Variants in STRN observed in about 807,000 individuals in gnomAD.
STRN encodes the protein striatin, also known as protein phosphatase 2 regulatory subunit B'''alpha.
STRN carries 53 observed loss-of-function variants against 96.3 expected under a neutral mutation model. That is an observed-to-expected ratio of 0.55 (90% CI 0.44 to 0.69). STRN has a LOEUF of 0.69. Among genes scored for constraint, STRN ranks in the 30% least tolerant of loss-of-function variants. The pLI, the probability that STRN is intolerant of heterozygous loss-of-function variation, is 0.00. For missense variants in STRN, 987 were observed against 963.9 expected (o/e 1.02, Z -0.32); for synonymous variants, 428 against 355.9 (o/e 1.20, Z -2.28).
chr2:36,890,168 G>C (rs188618323), intron 7 of STRN, among the ~76,000 whole-genome samples: 58 of 152,276 alleles, frequency 3.8e-4, no homozygotes, highest in Non-Finnish European at 6.6e-4. Flanking sequence ...TGAGTAACTT[G>C]ATACACAAGC....
intron 4 of STRN, 151 bp downstream of exon 4, chr2:36,905,389 T>C (rs1245726601): frequency 4.5e-6 from 3 of 667,876 alleles, no homozygotes; most frequent in South Asian, 4.1e-5. Flanking sequence ...AAGTATTTAA[T>C]ATGAAAAAGG....
At position 36,849,727 on chromosome 2, in the gene STRN, G is replaced by A. The variant is rs368315983; in HGVS notation, c.2160C>T (p.Tyr720=). The A allele has an allele frequency of 6.2e-7, 1 of 1,613,966 alleles. No homozygotes were observed. The highest frequency in any genetic ancestry group is 1.3e-5 in the African/African-American group (1 of 74,922). Residue 720 remains tyrosine, a synonymous_variant, in exon 17 of 18, where the codon TAC becomes TAT. Transcript: ENST00000263918. ...TGAGGTACTTACTGCCAGACATCAA[G>A]TAAAGGCCATTGGGATCAACTGCTA... The part of the protein sequence containing the change: ...TSLAVDPNGL[Y]LMSGSHDCSI...
chr2:36,900,164 G>C lies in STRN; in HGVS notation c.660-506C>G, dbSNP rs556318413. Among the ~76,000 whole-genome samples, 31 of 152,168 alleles carry C rather than the reference G, an allele frequency of 2.0e-4. No homozygotes were observed. In the South Asian group the frequency reaches 6.4e-3, roughly 32 times the overall value. ...TCAGCCTCAGCCTCCCAAAGTGCTG[G>C]GATTATAGGCGTGAGCCACTCGTAT... On this transcript the variant is annotated intron_variant, in intron 5 of 17. Transcript: ENST00000263918.
In STRN at chr2:36,846,711, T is replaced by A. The variant is rs373080221; in HGVS notation, c.*2745A>T. ...GTTTAATGGCAAAAGTTGTTAAACT[T>A]GTTCAATAGAAAAATACTGAAGGTC... On this transcript the variant is annotated 3_prime_UTR_variant, in exon 18 of 18. Transcript: ENST00000263918. 7.8e-4 allele frequency: 119 copies of A among 152,014 alleles called. No individual in the cohort carries two copies. The highest frequency in any genetic ancestry group is 2.8e-3 in the African/African-American group (117 of 41,484). The allele number at this position is 152,014 out of a possible 1,614,324, so 9.4% of individuals were successfully genotyped here.
intron 11 of STRN, among the ~76,000 whole-genome samples, chr2:36,868,668 T>C (rs1668689020): frequency 6.6e-6 from 1 of 152,218 alleles, no homozygotes; most frequent in South Asian, 2.1e-4. Flanking sequence ...TTGAGCTATC[T>C]GAAGCAGACT....
At chr2:36,872,305 A>T (rs915466007) in intron 10 of STRN, among the ~76,000 whole-genome samples, 3 of 152,218 alleles carry the variant, frequency 2.0e-5, no homozygotes, top group Admixed American at 6.5e-5. Flanking sequence ...GGAGAGACCT[A>T]TGTGGTAAGG....
At chr2:36,931,479 G>C (rs539414004) in intron 1 of STRN, among the ~76,000 whole-genome samples, 2 of 152,260 alleles carry the variant, frequency 1.3e-5, no homozygotes, top group African/African-American at 2.4e-5. Flanking sequence ...AGAAAAGATA[G>C]TGCAGTACTA....
chr2:36,919,624 T>C (rs1670197674), intron 2 of STRN, among the ~76,000 whole-genome samples: 1 of 152,180 alleles, frequency 6.6e-6, no homozygotes, highest in Non-Finnish European at 1.5e-5. Context: ...TAGCTAGATA[T>C]TTTTAAACAC....
intron 16 of STRN, among the ~76,000 whole-genome samples, 179 bp downstream of exon 16, chr2:36,850,821 A>G (rs1340149360): frequency 2.0e-5 from 3 of 152,208 alleles, no homozygotes; most frequent in African/African-American, 7.2e-5. Context: ...GTATTGTATA[A>G]TAAAGACTAG....
At chr2:36,902,563 C>T in intron 5 of STRN, 21 bp downstream of exon 5, 1 of 1,572,386 alleles carries the variant, frequency 6.4e-7, no homozygotes, top group Non-Finnish European at 8.6e-7. Context: ...AGCTAAAACA[C>T]TTTCCAGACA....
intron 1 of STRN, among the ~76,000 whole-genome samples, chr2:36,961,521 G>A (rs571744264): frequency 6.6e-6 from 1 of 152,002 alleles, no homozygotes; most frequent in Non-Finnish European, 1.5e-5. Flanking sequence ...CTTTAAAAAT[G>A]TATTCAGAAT....
intron 1 of STRN, among the ~76,000 whole-genome samples, chr2:36,942,188 T>C (rs938648511): frequency 2.0e-5 from 3 of 152,198 alleles, no homozygotes; most frequent in African/African-American, 7.2e-5. Context: ...TTTGTTGCTT[T>C]TCCCTGTGGT....
chr2:36,850,829 T>C (rs1668201026), intron 16 of STRN, among the ~76,000 whole-genome samples, 171 bp downstream of exon 16: 1 of 152,280 alleles, frequency 6.6e-6, no homozygotes, highest in Non-Finnish European at 1.5e-5. Flanking sequence ...TAATAAAGAC[T>C]AGTCTTAGCA....
chr2:36,905,209 T>C (rs1446896392), intron 4 of STRN, among the ~76,000 whole-genome samples: 2 of 152,148 alleles, frequency 1.3e-5, no homozygotes, highest in African/African-American at 2.4e-5. Flanking sequence ...CTTCAAGTGA[T>C]CCATCCACCT....
Position 36,966,436 on chromosome 2 carries a change from A to C in STRN, c.28T>G (p.Phe10Val), listed in dbSNP as rs1665167014. The change falls in exon 1 of 18, where the codon TTC becomes GTC. Residue 10 changes from phenylalanine (F) to valine (V), a missense_variant. Physicochemically the swap from Phe to Val is conservative, Grantham distance 50. Transcript: ENST00000263918. ...GCGCCCGGGTGGTTGTTGCTGAAGAAGACGCCGGGACCCGCCTGCTCGTCC... is the reference window on the plus strand; with the variant it reads ...GCGCCCGGGTGGTTGTTGCTGAAGACGACGCCGGGACCCGCCTGCTCGTCC... MDEQAGPGV[F>V]FSNNHPGAGG... is the part of the protein sequence containing the mutation. The C allele has an allele frequency of 2.7e-6, 4 of 1,466,594 alleles. No homozygotes were observed. The highest frequency in any genetic ancestry group is 3.0e-5 in the East Asian group (1 of 33,040). 90.8% of individuals were successfully genotyped at this position (1,466,594 alleles called of 1,614,324 possible).
chr2:36,890,710 C>T (rs1468969473), intron 7 of STRN, among the ~76,000 whole-genome samples: 2 of 152,166 alleles, frequency 1.3e-5, no homozygotes, highest in South Asian at 2.1e-4. Flanking sequence ...TCTCAAACTC[C>T]TGACCTCAGG....
At chr2:36,893,609 A>C (rs1202923402) in intron 7 of STRN, among the ~76,000 whole-genome samples, 1 of 152,228 alleles carries the variant, frequency 6.6e-6, no homozygotes, top group Non-Finnish European at 1.5e-5. Flanking sequence ...ACAAAAATCT[A>C]GATTTGCAAG....
At chr2:36,852,245 TA>T (rs1286249130) in intron 15 of STRN, among the ~76,000 whole-genome samples, 2 of 152,332 alleles carry the variant, frequency 1.3e-5, no homozygotes, top group East Asian at 3.9e-4. Context: ...AAGCTTTTTT[TA>T]AGAGAAAAGA....
rs79439566 is a variant in STRN, at chr2:36,961,485, C to T, written c.234+4745G>A. On this transcript the variant is annotated intron_variant, in intron 1 of 17. Coordinates refer to ENST00000263918, the MANE Select transcript of STRN (RefSeq NM_003162.4). ...CTTTTTCTCAAACCCCACATTCTAT[C>T]CTTTAGCACATCTTGTTGGCTCTAC... is the stretch of plus-strand genomic sequence containing the variant. Among the ~76,000 whole-genome samples the T allele has an allele frequency of 9.4e-3, 1,428 of 152,174 alleles. 27 individuals carry two copies. The highest frequency in any genetic ancestry group is 0.033 in the African/African-American group (1,369 of 41,502).
Sources: allele counts gnomAD v4.1 joint callset (sites outside exome capture counted in the v4.1 genomes callset), GRCh38; gene constraint gnomAD v4.1.1; transcripts MANE v1.5; gene names NCBI Gene and HGNC (gene_info 2026-07-23, HGNC 2026-07-21).